The following SPAG16 variants were observed in gnomAD, a reference collection of about 807,000 sequenced individuals.
The protein encoded by SPAG16 is sperm associated antigen 16.
A neutral mutation model predicts 80.4 loss-of-function variants in SPAG16; 86 were observed. The ratio of observed to expected loss-of-function variants is 1.07; its 90% confidence interval spans 0.90 to 1.28. SPAG16 has a LOEUF of 1.28. Ranked by LOEUF, SPAG16 falls within the 50% of genes most tolerant of loss-of-function variation. The pLI, the probability that SPAG16 is intolerant of heterozygous loss-of-function variation, is 0.00. For missense variants in SPAG16, 870 were observed against 765.3 expected, an observed-to-expected ratio of 1.14 and a Z score of -1.61; for synonymous variants, 294 against 265.9, an observed-to-expected ratio of 1.11 and a Z score of -1.03.
At chr2:214,228,585 G>C (rs1355819001) in intron 15 of SPAG16, among the ~76,000 whole-genome samples, 1 of 151,790 alleles carries the variant, frequency 6.6e-6, no homozygotes, top group Non-Finnish European at 1.5e-5. Flanking sequence ...GGTTCTCAAA[G>C]TGTGCAGTAC....
At chr2:214,265,132 G>C (rs1559165695) in intron 15 of SPAG16, among the ~76,000 whole-genome samples, 1 of 152,074 alleles carries the variant, frequency 6.6e-6, no homozygotes. Flanking sequence ...GAACAATATT[G>C]ATGAATCATA....
At chr2:213,391,764 C>T (rs1316260660) in intron 9 of SPAG16, among the ~76,000 whole-genome samples, 1 of 152,130 alleles carries the variant, frequency 6.6e-6, no homozygotes, top group East Asian at 1.9e-4. Context: ...CTAAAGACTT[C>T]CAGATTCATT....
intron 10 of SPAG16, among the ~76,000 whole-genome samples, chr2:213,513,865 C>G (rs1335249047): frequency 6.6e-6 from 1 of 152,122 alleles, no homozygotes; most frequent in Non-Finnish European, 1.5e-5. Context: ...CCATTTGCAG[C>G]AGCAAATGTT....
At chr2:213,367,259 G>T (rs1168449424) in intron 8 of SPAG16, among the ~76,000 whole-genome samples, 1 of 150,392 alleles carries the variant, frequency 6.6e-6, no homozygotes, top group Non-Finnish European at 1.5e-5. Context: ...ATGTGTGCAT[G>T]TGTCTTTACA....
chr2:214,169,770 A>T (rs1410819119), intron 15 of SPAG16, among the ~76,000 whole-genome samples: 1 of 152,094 alleles, frequency 6.6e-6, no homozygotes, highest in Non-Finnish European at 1.5e-5. Context: ...ATTTACCTGG[A>T]AAGTATCCTT....
At chr2:213,518,469 G>A (rs1318095679) in intron 10 of SPAG16, among the ~76,000 whole-genome samples, 2 of 152,012 alleles carry the variant, frequency 1.3e-5, no homozygotes, top group African/African-American at 4.8e-5. Flanking sequence ...TGCCTAATCT[G>A]GCCCTGAACT....
chr2:213,870,410 A>C (rs1457936462), intron 11 of SPAG16, among the ~76,000 whole-genome samples: 1 of 152,176 alleles, frequency 6.6e-6, no homozygotes, highest in Non-Finnish European at 1.5e-5. Context: ...ATTATAGATA[A>C]ATTTATGTAT....
chr2:213,690,464 A>T (rs921737361), intron 10 of SPAG16, among the ~76,000 whole-genome samples: 2 of 152,208 alleles, frequency 1.3e-5, no homozygotes, highest in African/African-American at 4.8e-5. Flanking sequence ...CTCATTCATG[A>T]GTATGATGGT....
intron 11 of SPAG16, among the ~76,000 whole-genome samples, chr2:213,923,178 C>G (rs934987959): frequency 1.4e-5 from 2 of 146,926 alleles, no homozygotes; most frequent in African/African-American, 5.0e-5. Flanking sequence ...GCTCACCTGT[C>G]CACCAGTGGC....
intron 15 of SPAG16, among the ~76,000 whole-genome samples, chr2:214,335,893 G>C (rs1019978651): frequency 1.3e-5 from 2 of 151,128 alleles, no homozygotes; most frequent in Non-Finnish European, 2.9e-5. Context: ...CGAGTAGCTG[G>C]GCCTACAGGT....
intron 10 of SPAG16, among the ~76,000 whole-genome samples, chr2:213,687,398 G>A (rs1163576715): frequency 2.0e-5 from 3 of 152,084 alleles, no homozygotes; most frequent in Non-Finnish European, 4.4e-5. Context: ...ATTTTTACAT[G>A]ATTATCATTT....
At chr2:213,782,517 C>T (rs974159749) in intron 10 of SPAG16, among the ~76,000 whole-genome samples, 2 of 151,978 alleles carry the variant, frequency 1.3e-5, no homozygotes, top group Admixed American at 6.6e-5. Flanking sequence ...TTCTTTGATC[C>T]CTTTCAAAAA....
intron 13 of SPAG16, among the ~76,000 whole-genome samples, chr2:214,080,956 C>A (rs921331668): frequency 1.3e-5 from 2 of 151,948 alleles, no homozygotes; most frequent in Non-Finnish European, 2.9e-5. Flanking sequence ...TTCAAGTTCT[C>A]AGGTGATGTT....
chr2:213,844,403 T>C (rs1299690990), intron 10 of SPAG16, among the ~76,000 whole-genome samples: 1 of 152,176 alleles, frequency 6.6e-6, no homozygotes, highest in Non-Finnish European at 1.5e-5. Flanking sequence ...GTGATTTCGG[T>C]TATCTAGCAG....
chr2:214,358,808 A>C (rs1181777437), intron 15 of SPAG16, among the ~76,000 whole-genome samples: 1 of 151,938 alleles, frequency 6.6e-6, no homozygotes, highest in Non-Finnish European at 1.5e-5. Context: ...CTAACTTGTC[A>C]GGTTGATCAT....
chr2:214,305,136 A>T (rs1236544655), intron 15 of SPAG16, among the ~76,000 whole-genome samples: 1 of 151,980 alleles, frequency 6.6e-6, no homozygotes, highest in Non-Finnish European at 1.5e-5. Flanking sequence ...GTGATGTTGA[A>T]CTTTTTTTCA....
chr2:213,776,702 G>A (rs1011817667), intron 10 of SPAG16, among the ~76,000 whole-genome samples: 2 of 151,830 alleles, frequency 1.3e-5, no homozygotes, highest in African/African-American at 4.8e-5. Context: ...TAGAAAGCTG[G>A]AAAAGACATT....
intron 10 of SPAG16, among the ~76,000 whole-genome samples, chr2:213,582,662 T>A (rs968156369): frequency 2.6e-5 from 4 of 152,192 alleles, no homozygotes; most frequent in African/African-American, 9.6e-5. Context: ...TTCAATGTAT[T>A]GAAGCAAATT....
intron 9 of SPAG16, among the ~76,000 whole-genome samples, chr2:213,438,045 C>T (rs2125515671): frequency 6.6e-6 from 1 of 152,318 alleles, no homozygotes. Context: ...CTGAGAGGTT[C>T]AGGCAGTGTT....
Sources: allele counts gnomAD v4.1 joint callset (sites outside exome capture counted in the v4.1 genomes callset), GRCh38; gene constraint gnomAD v4.1.1; transcripts MANE v1.5; gene names NCBI Gene and HGNC (gene_info 2026-07-23, HGNC 2026-07-21).